Variants in SLC25A48 observed in about 807,000 individuals in gnomAD.
SLC25A48 encodes the protein solute carrier family 25 member 48.
In SLC25A48, 29 loss-of-function variants were observed where a neutral mutation model predicts 32.2. That is an observed-to-expected ratio of 0.90 (90% confidence interval 0.67 to 1.23). SLC25A48 has a LOEUF of 1.23. SLC25A48 is among the 50% of genes most tolerant of loss of function. The pLI is 0.00. For missense variants in SLC25A48, 399 were observed against 422.7 expected (o/e 0.94, Z 0.49); for synonymous variants, 164 against 172.3 (o/e 0.95, Z 0.38).
intron 1 of SLC25A48, among the ~76,000 whole-genome samples, chr5:135,589,982 C>CTG (rs1187065034): frequency 6.6e-6 from 1 of 152,220 alleles, no homozygotes; most frequent in African/African-American, 2.4e-5. Context: ...AGGCATAAGC[C>CTG]ACAGTGCCTG....
chr5:135,711,936 C>G (rs1054945408), intron 3 of SLC25A48, among the ~76,000 whole-genome samples: 1 of 151,778 alleles, frequency 6.6e-6, no homozygotes, highest in African/African-American at 2.4e-5. Flanking sequence ...CTCTAGTGTC[C>G]CCCTCCCACC....
At chr5:135,699,374 T>G (rs759464095) in intron 3 of SLC25A48, among the ~76,000 whole-genome samples, 17 of 147,776 alleles carry the variant, frequency 1.2e-4, no homozygotes, top group Non-Finnish European at 2.4e-4. Flanking sequence ...TGCAACAATA[T>G]GGATGAATCC....
At chr5:135,677,724 C>T (rs1753804682) in intron 3 of SLC25A48, among the ~76,000 whole-genome samples, 1 of 152,158 alleles carries the variant, frequency 6.6e-6, no homozygotes, top group South Asian at 2.1e-4. Flanking sequence ...GGTGAATTCC[C>T]TCAGCATTTG....
chr5:135,759,637 T>C (rs889069047), intron 3 of SLC25A48, among the ~76,000 whole-genome samples: 1 of 151,944 alleles, frequency 6.6e-6, no homozygotes, highest in African/African-American at 2.4e-5. Flanking sequence ...CTGCCACCAA[T>C]AGGGCCCTTG....
At position 135,669,992 on chromosome 5, in the gene SLC25A48, A is replaced by C. The variant is rs182534751; in HGVS notation, c.-521+35036A>C. Reference sequence around the variant, plus strand: ...AGAGAGCAATTTCTTACCCATAAACACGCATAGGTACTTTGCAGACCTTCC... The same window carrying C: ...AGAGAGCAATTTCTTACCCATAAACCCGCATAGGTACTTTGCAGACCTTCC... On this transcript the variant is annotated intron_variant, in intron 3 of 10. Coordinates refer to the SLC25A48 transcript ENST00000646290. Among the ~76,000 whole-genome samples, 340 of 152,288 alleles carry C rather than the reference A, an allele frequency of 2.2e-3. 2 individuals are homozygous for C. Among genetic ancestry groups the C allele is most frequent in the African/African-American group, 7.8e-3 (326 of 41,546 alleles).
chr5:135,871,942 G>A, intron 5 of SLC25A48: 1 of 1,455,782 alleles, frequency 6.9e-7, no homozygotes, highest in Non-Finnish European at 9.1e-7. Flanking sequence ...TTGACTTTCA[G>A]GCAACAGATA....
intron 1 of SLC25A48, among the ~76,000 whole-genome samples, chr5:135,595,490 TC>T (rs1751628225): frequency 6.6e-6 from 1 of 152,168 alleles, no homozygotes; most frequent in Non-Finnish European, 1.5e-5. Flanking sequence ...TCCAGGGAAC[TC>T]CCCCTTGGCA....
At chr5:135,699,253 G>C (rs933341691) in intron 3 of SLC25A48, among the ~76,000 whole-genome samples, 8 of 152,164 alleles carry the variant, frequency 5.3e-5, no homozygotes, top group African/African-American at 1.7e-4. Context: ...ATAATAGCCG[G>C]AAGCTGGAAA....
intron 4 of SLC25A48, among the ~76,000 whole-genome samples, chr5:135,856,873 G>T (rs779257238): frequency 6.6e-6 from 1 of 152,174 alleles, no homozygotes; most frequent in Non-Finnish European, 1.5e-5. Flanking sequence ...GCTCTATCCC[G>T]ACTGCTTCAG....
intron 3 of SLC25A48, among the ~76,000 whole-genome samples, chr5:135,804,087 A>T (rs1480077699): frequency 6.6e-6 from 1 of 151,666 alleles, no homozygotes; most frequent in African/African-American, 2.4e-5. Flanking sequence ...TCCACACATG[A>T]TGTACACCCC....
In SLC25A48 at chr5:135,600,751, C is replaced by T. The variant is rs865816479; in HGVS notation, c.-849+21154C>T. Among the ~76,000 whole-genome samples, 6 of 151,972 alleles carry T rather than the reference C, an allele frequency of 3.9e-5. No homozygotes were observed. The Middle Eastern group carries it at 0.01, about 258-fold the overall frequency. On this transcript the variant is annotated intron_variant, in intron 1 of 10. Coordinates refer to the SLC25A48 transcript ENST00000646290. ...AGGCTGGAGTGCAGTGGTGCAATCT[C>T]GGCTCACTGCAACCTCCATCTGCTG...
chr5:135,871,994 G>A, intron 5 of SLC25A48: 1 of 1,325,856 alleles, frequency 7.5e-7, no homozygotes, highest in Non-Finnish European at 9.7e-7. Context: ...ACTAAGCTTT[G>A]GAAAGGAAAT....
chr5:135,878,203 T>C (rs868393799), intron 6 of SLC25A48, among the ~76,000 whole-genome samples: 23 of 152,264 alleles, frequency 1.5e-4, no homozygotes, highest in African/African-American at 5.3e-4. Context: ...AGCTGTCTGC[T>C]GGTCTGAAGT....
At chr5:135,749,199 A>G (rs867918391) in intron 3 of SLC25A48, among the ~76,000 whole-genome samples, 1 of 152,004 alleles carries the variant, frequency 6.6e-6, no homozygotes, top group Non-Finnish European at 1.5e-5. Flanking sequence ...GTGGCAAGGA[A>G]GAAATGCCTA....
exon 3 of SLC25A48, chr5:135,634,810 T>A: frequency 6.6e-6 from 1 of 152,260 alleles, no homozygotes; most frequent in African/African-American, 2.4e-5. Flanking sequence ...AGGCCTGCGC[T>A]GTGCCACCGT....
At chr5:135,728,022 G>A (rs1405725619) in intron 3 of SLC25A48, among the ~76,000 whole-genome samples, 1 of 152,104 alleles carries the variant, frequency 6.6e-6, no homozygotes, top group Non-Finnish European at 1.5e-5. Context: ...TTGGGAGGCC[G>A]AGGCAGGTGG....
chr5:135,678,826 A>G (rs1014155183), intron 3 of SLC25A48, among the ~76,000 whole-genome samples: 1 of 152,038 alleles, frequency 6.6e-6, no homozygotes, highest in Admixed American at 6.5e-5. Context: ...TGATTTCCTC[A>G]GTAGCTTAGG....
intron 3 of SLC25A48, among the ~76,000 whole-genome samples, chr5:135,672,045 T>C (rs1279028668): frequency 6.6e-6 from 1 of 152,158 alleles, no homozygotes; most frequent in African/African-American, 2.4e-5. Flanking sequence ...AAATTGATTT[T>C]CAAACCAAAA....
intron 1 of SLC25A48, among the ~76,000 whole-genome samples, chr5:135,587,678 C>G (rs1289968835): frequency 3.9e-5 from 6 of 152,168 alleles, no homozygotes; most frequent in Non-Finnish European, 7.3e-5. Flanking sequence ...TTTCAAGCAA[C>G]CATCTGAGAC....
Sources: allele counts gnomAD v4.1 joint callset (sites outside exome capture counted in the v4.1 genomes callset), GRCh38; gene constraint gnomAD v4.1.1; transcripts MANE v1.5; gene names NCBI Gene and HGNC (gene_info 2026-07-23, HGNC 2026-07-21).